Variants in CEP63 observed in about 807,000 individuals in gnomAD.
The protein encoded by CEP63 is centrosomal protein of 63 kDa.
In CEP63, 84 loss-of-function variants were observed where a neutral mutation model predicts 89.1. The ratio of observed to expected loss-of-function variants is 0.94; its 90% CI spans 0.79 to 1.13. The LOEUF is 1.13. Ranked by LOEUF, CEP63 falls within the 50% of genes most tolerant of loss-of-function variation. The pLI is 0.00. For synonymous variants in CEP63, 267 were observed against 272.5 expected, an observed-to-expected ratio of 0.98 and a Z score of 0.20; for missense variants, 838 against 813.3, an observed-to-expected ratio of 1.03 and a Z score of -0.37.
chr3:134,778,420 CATG>C, the CEP63 span, among the ~76,000 whole-genome samples: 17,618 of 152,056 alleles, frequency 0.12, 1,615 homozygotes, highest in South Asian at 0.32. Context: ...TTGACTGTTT[CATG>C]ATATTTGATA....
chr3:134,694,117 A>G, the CEP63 span, among the ~76,000 whole-genome samples: 1 of 152,210 alleles, frequency 6.6e-6, no homozygotes, highest in Non-Finnish European at 1.5e-5. Context: ...CCCTGAGCAT[A>G]GCTGTCATTC....
Position 134,507,200 on chromosome 3 carries a change from C to G in CEP63, c.136C>G (p.Arg46Gly). 5 of 1,612,352 alleles carry G rather than the reference C, an allele frequency of 3.1e-6. No individual in the cohort carries two copies. ...VAHKKSEWEGRTHALETCLKI... is the reference protein window; with the variant it reads ...VAHKKSEWEGGTHALETCLKI... ...TCATAAAAAATCTGAATGGGAAGGA[C>G]GTACACATGCTCTAGAAACTTGCTT... is the stretch of plus-strand genomic sequence containing the variant. The change falls in exon 3 of 15, where the codon CGT (arginine) becomes GGT (glycine). Residue 46 changes from arginine (R) to glycine (G), a missense_variant. Transcript: ENST00000675561.
chr3:134,658,062 A>G, the CEP63 span, among the ~76,000 whole-genome samples: 1 of 151,866 alleles, frequency 6.6e-6, no homozygotes, highest in Non-Finnish European at 1.5e-5. Context: ...ACGCCCGGCT[A>G]ATTTTTTGTA....
chr3:134,741,489 CT>C, the CEP63 span, among the ~76,000 whole-genome samples: 5 of 152,184 alleles, frequency 3.3e-5, no homozygotes, highest in Non-Finnish European at 7.3e-5. Context: ...CTGCTTCCCC[CT>C]ATGCCTGGCC....
At chr3:134,659,242 C>T in the CEP63 span, among the ~76,000 whole-genome samples, 2 of 152,182 alleles carry the variant, frequency 1.3e-5, no homozygotes, top group South Asian at 2.1e-4. Context: ...ACCTCTTTAA[C>T]CTAGCCAAGT....
At chr3:134,695,824 G>A in the CEP63 span, among the ~76,000 whole-genome samples, 2 of 152,130 alleles carry the variant, frequency 1.3e-5, no homozygotes, top group South Asian at 2.1e-4. Context: ...GAACACAGAT[G>A]GCTGATAGCT....
the CEP63 span, chr3:134,619,319 C>T: frequency 1.5e-6 from 2 of 1,351,104 alleles, no homozygotes; most frequent in South Asian, 1.2e-5. Flanking sequence ...GGCGAGAAGA[C>T]TCCACCCCAA....
the CEP63 span, among the ~76,000 whole-genome samples, chr3:134,762,754 C>T: frequency 6.6e-6 from 1 of 152,240 alleles, no homozygotes; most frequent in Non-Finnish European, 1.5e-5. Flanking sequence ...AGACAAATTT[C>T]TGTTGGTTAA....
chr3:134,549,629 C>A lies in CEP63; in HGVS notation c.1183-434C>A, dbSNP rs1292952679. 2.6e-5 allele frequency among the ~76,000 whole-genome samples: 4 copies of A among 152,064 alleles called. No homozygotes were observed. In the East Asian group the frequency reaches 7.7e-4, roughly 29 times the overall value. On this transcript the variant is annotated intron_variant, in intron 10 of 14. Coordinates refer to ENST00000675561, the MANE Select transcript of CEP63 (RefSeq NM_001353108.3). ...TCTATATGAATGGGCCCTAACTGTC[C>A]TATTTGTTTGATTTGTATTTTTTGT...
At chr3:134,700,709 C>T in the CEP63 span, among the ~76,000 whole-genome samples, 33 of 152,250 alleles carry the variant, frequency 2.2e-4, no homozygotes, top group African/African-American at 7.7e-4. Context: ...AGTCCAGGTG[C>T]AGTTGCTTGT....
chr3:134,571,113 C>T (rs1957990550), intron 11 of CEP63, among the ~76,000 whole-genome samples: 1 of 152,246 alleles, frequency 6.6e-6, no homozygotes, highest in Admixed American at 6.5e-5. Context: ...ACAACCAAAT[C>T]ACATCAAGTG....
chr3:134,692,433 G>T, the CEP63 span, among the ~76,000 whole-genome samples: 1 of 151,780 alleles, frequency 6.6e-6, no homozygotes, highest in African/African-American at 2.4e-5. Context: ...CCCTACAAAG[G>T]ATATGAACTC....
the CEP63 span, among the ~76,000 whole-genome samples, chr3:134,688,956 C>A: frequency 6.6e-6 from 1 of 152,312 alleles, no homozygotes; most frequent in Non-Finnish European, 1.5e-5. Context: ...GGCTTGGAGA[C>A]CCTGGTGATC....
the CEP63 span, among the ~76,000 whole-genome samples, chr3:134,677,878 C>G: frequency 6.6e-6 from 1 of 151,962 alleles, no homozygotes; most frequent in African/African-American, 2.4e-5. Context: ...CGCCGTGTCC[C>G]AAGTATTCCT....
At chr3:134,486,477 C>A in intron 1 of CEP63, 10 of 985,634 alleles carry the variant, frequency 1.0e-5, no homozygotes, top group Non-Finnish European at 1.2e-5. Context: ...TGGCGCAGCC[C>A]GGCGTGGGGT....
chr3:134,767,313 C>T, the CEP63 span, among the ~76,000 whole-genome samples: 3 of 152,168 alleles, frequency 2.0e-5, no homozygotes, highest in African/African-American at 7.2e-5. Flanking sequence ...AAAGAGGCCT[C>T]AAATGGAGGC....
chr3:134,535,960 TCTC>T (rs1475252550), intron 5 of CEP63: 1 of 152,232 alleles, frequency 6.6e-6, no homozygotes, highest in African/African-American at 2.4e-5. Context: ...TACCTTGTCT[TCTC>T]CTACTTTCCC....
the CEP63 span, chr3:134,643,516 C>A: frequency 3.0e-6 from 2 of 660,286 alleles, no homozygotes; most frequent in East Asian, 2.7e-5. Flanking sequence ...TGTGCACACC[C>A]TCACAGTGTG....
the CEP63 span, among the ~76,000 whole-genome samples, chr3:134,616,200 C>G: frequency 6.6e-6 from 1 of 152,204 alleles, no homozygotes. Context: ...ACTGGACCAG[C>G]AGTTACAAGC....
Sources: allele counts gnomAD v4.1 joint callset (sites outside exome capture counted in the v4.1 genomes callset), GRCh38; gene constraint gnomAD v4.1.1; transcripts MANE v1.5; gene names NCBI Gene and HGNC (gene_info 2026-07-23, HGNC 2026-07-21).